GRM4: variants seen among roughly 807,000 people sequenced by gnomAD.
The protein encoded by GRM4 is glutamate metabotropic receptor 4.
A neutral mutation model predicts 81.7 loss-of-function variants in GRM4; 28 were observed. The observed-to-expected ratio is 0.34, with a 90% CI of 0.25 to 0.47. GRM4 has a LOEUF of 0.47. Among genes scored for constraint, GRM4 ranks in the 20% least tolerant of loss-of-function variants. The probability of loss-of-function intolerance (pLI) is 1.00; values close to 1 mark genes in which losing one functional copy is unlikely to be tolerated. For missense variants in GRM4, 948 were observed against 1,290.0 expected, an observed-to-expected ratio of 0.73 and a Z score of 4.06; for synonymous variants, 488 against 528.8, an observed-to-expected ratio of 0.92 and a Z score of 1.06.
At position 34,036,888 on chromosome 6, in the gene GRM4, C is replaced by T. The variant is rs1764741532; in HGVS notation, c.1507-285G>A. On this transcript the variant is annotated intron_variant, in intron 8 of 10. Coordinates refer to ENST00000538487, the MANE Select transcript of GRM4 (RefSeq NM_000841.4). This position sits in a 1 kb window ranked among gnomAD's most constrained non-coding sequence, Gnocchi z 9.0. ...TGAGCCCAGAAAGCAGTAGTGACAA[C>T]CTAGAGTCACAGGAAACAACAGTGC... 6.6e-6 allele frequency among the ~76,000 whole-genome samples: 1 copy of T among 152,224 alleles called. No homozygotes were observed. The highest frequency in any genetic ancestry group is 1.5e-5 in the Non-Finnish European group (1 of 68,034).
intron 2 of GRM4, among the ~76,000 whole-genome samples, chr6:34,093,288 T>G (rs1187410274): frequency 1.3e-5 from 2 of 152,138 alleles, no homozygotes; most frequent in Non-Finnish European, 2.9e-5. Context: ...TCCCTATCCC[T>G]GGGGCCACCC....
At chr6:34,116,513 G>A (rs115596283) in intron 2 of GRM4, among the ~76,000 whole-genome samples, 1 of 152,142 alleles carries the variant, frequency 6.6e-6, no homozygotes, top group African/African-American at 2.4e-5. Flanking sequence ...AGCAGAAGAG[G>A]GGGCATTGGA....
In GRM4 at chr6:34,047,875, C is replaced by G. The variant is rs1313595532; in HGVS notation, c.1169-7127G>C. Among the ~76,000 whole-genome samples, 1 of 152,146 alleles carries G rather than the reference C, an allele frequency of 6.6e-6. No individual in the cohort carries two copies. The highest frequency in any genetic ancestry group is 1.9e-4 in the East Asian group (1 of 5,194). On this transcript the variant is annotated intron_variant, in intron 6 of 10. Transcript: ENST00000538487. This position sits in a 1 kb window ranked among gnomAD's most constrained non-coding sequence, Gnocchi z 4.5. ...CTCCAAGAGCTCTGTGGTAGCATCG[C>G]CTGGGGCTCTTCAACCTTGAGCCAG...
intron 3 of GRM4, among the ~76,000 whole-genome samples, chr6:34,083,800 G>A (rs1411276211): frequency 2.6e-5 from 4 of 152,134 alleles, no homozygotes; most frequent in South Asian, 2.1e-4. Context: ...TAAAGCCAGC[G>A]GCAGCACCCC....
chr6:34,091,571 CA>C (rs1036588240), intron 3 of GRM4: 99 of 361,738 alleles, frequency 2.7e-4, no homozygotes, highest in South Asian at 1.8e-3. Flanking sequence ...CCCTCGTCCC[CA>C]CCCCATCCCT....
chr6:34,123,837 C>A (rs370638741), intron 2 of GRM4, among the ~76,000 whole-genome samples: 20 of 152,180 alleles, frequency 1.3e-4, no homozygotes, highest in African/African-American at 4.3e-4. Context: ...TACTGCCCCT[C>A]GGGGATCCCC....
At chr6:34,082,340 A>T (rs1581670272) in intron 3 of GRM4, among the ~76,000 whole-genome samples, 1 of 152,316 alleles carries the variant, frequency 6.6e-6, no homozygotes, top group East Asian at 1.9e-4. Flanking sequence ...GGAAGTAGCT[A>T]CTCTGTGGGC....
At chr6:34,061,684 G>C in intron 4 of GRM4, 1 of 481,664 alleles carries the variant, frequency 2.1e-6, no homozygotes, top group Admixed American at 3.4e-5. Context: ...GCAGGAAATG[G>C]AGAGGGGAGG....
In GRM4 at chr6:34,108,118, A is replaced by G. The variant is rs374716416; in HGVS notation, c.520-16019T>C. Among the ~76,000 whole-genome samples, 450 of 152,300 alleles carry G rather than the reference A, an allele frequency of 3.0e-3. 2 individuals are homozygous for G. Among genetic ancestry groups the G allele is most frequent in the South Asian group, 0.011 (52 of 4,818 alleles). Reference sequence around the variant, plus strand: ...GGGCAGGGACCCAGCCCAGAGCATGAGGAGAAGGCCACCCTGCCCCACCTC... The same window carrying G: ...GGGCAGGGACCCAGCCCAGAGCATGGGGAGAAGGCCACCCTGCCCCACCTC... On this transcript the variant is annotated intron_variant, in intron 2 of 10. Coordinates refer to ENST00000538487, the MANE Select transcript of GRM4 (RefSeq NM_000841.4).
intron 1 of GRM4, among the ~76,000 whole-genome samples, chr6:34,153,082 C>T (rs565104530): frequency 2.8e-4 from 42 of 152,234 alleles, no homozygotes; most frequent in Non-Finnish European, 5.6e-4. Flanking sequence ...CCCTGCGGTG[C>T]GACCCTGGAG....
intron 5 of GRM4, among the ~76,000 whole-genome samples, chr6:34,056,988 A>G (rs929768009): frequency 2.6e-5 from 4 of 152,122 alleles, no homozygotes; most frequent in African/African-American, 9.7e-5. Flanking sequence ...GGGCTTTGAG[A>G]AGGAGCCGCC....
chr6:34,044,333 C>G (rs1490953269), intron 6 of GRM4, among the ~76,000 whole-genome samples: 2 of 149,026 alleles, frequency 1.3e-5, no homozygotes, highest in Non-Finnish European at 3.0e-5. Flanking sequence ...CACATACACA[C>G]AGACATACAT....
At chr6:34,155,230 C>T in exon 1 of GRM4, 1 of 1,535,486 alleles carries the variant, frequency 6.5e-7, no homozygotes, top group Non-Finnish European at 8.7e-7. Context: ...CCACACACAC[C>T]GGCAAAATCC....
At chr6:34,038,771 C>T (rs983063772) in intron 8 of GRM4, among the ~76,000 whole-genome samples, 8 of 152,222 alleles carry the variant, frequency 5.3e-5, no homozygotes, top group African/African-American at 1.4e-4. Flanking sequence ...GCCATGAAGA[C>T]GGTCTGGCCG....
chr6:34,081,575 C>A (rs375305185), intron 3 of GRM4, among the ~76,000 whole-genome samples: 1 of 152,274 alleles, frequency 6.6e-6, no homozygotes, highest in East Asian at 1.9e-4. Context: ...CCTTTTTGGT[C>A]TTAGAAATGA....
At chr6:34,096,913 TGA>T (rs1411236628) in intron 2 of GRM4, among the ~76,000 whole-genome samples, 1 of 95,190 alleles carries the variant, frequency 1.1e-5, no homozygotes, top group Non-Finnish European at 3.0e-5. Flanking sequence ...CAAGTACATC[TGA>T]GTGTGTGTGT....
At chr6:34,132,871 A>T in intron 2 of GRM4, 107 bp downstream of exon 2, 2 of 902,912 alleles carry the variant, frequency 2.2e-6, no homozygotes, top group South Asian at 3.4e-5. Flanking sequence ...TAGAGTGAGG[A>T]AAAAAGGAGG....
At chr6:34,033,912 T>G (rs892575757) in intron 9 of GRM4, among the ~76,000 whole-genome samples, 2 of 151,540 alleles carry the variant, frequency 1.3e-5, no homozygotes, top group African/African-American at 4.9e-5. Context: ...TACGTTTTTG[T>G]ATTTTTGCTA....
Position 34,110,823 on chromosome 6 carries a change from G to A in GRM4, c.520-18724C>T, listed in dbSNP as rs144954094. On this transcript the variant is annotated intron_variant, in intron 2 of 10. Transcript: ENST00000538487. The stretch of plus-strand genomic sequence containing the variant: ...TGCAGGCCATCTGTCTTGCCTGGCA[G>A]CTCTCCTCTGCCCAGCCTTCCTCCA... The A allele has an allele frequency of 4.1e-3, 5,582 of 1,375,092 alleles. 36 individuals carry two copies. The highest frequency in any genetic ancestry group is 6.2e-3 in the Middle Eastern group (32 of 5,150). 85.2% of individuals were successfully genotyped at this position (1,375,092 alleles called of 1,614,324 possible). A position where few individuals can be genotyped will look rare whatever the true frequency, so the allele number is the denominator to read the frequency against.
Sources: allele counts gnomAD v4.1 joint callset (sites outside exome capture counted in the v4.1 genomes callset), GRCh38; gene constraint gnomAD v4.1.1; non-coding constraint Gnocchi (gnomAD v3.1); transcripts MANE v1.5; gene names NCBI Gene and HGNC (gene_info 2026-07-23, HGNC 2026-07-21).